The following HS6ST2 variants were observed in gnomAD, a reference collection of about 807,000 sequenced individuals.
HS6ST2 encodes the protein heparan-sulfate 6-O-sulfotransferase 2.
Under a neutral mutation model 33.0 loss-of-function variants are expected in HS6ST2, and 17 were observed. The ratio of observed to expected loss-of-function variants is 0.52; its 90% confidence interval spans 0.35 to 0.77. The LOEUF (loss-of-function observed/expected upper bound fraction) is 0.77. Among genes scored for constraint, HS6ST2 ranks in the 30% least tolerant of loss-of-function variants. The pLI, the probability that HS6ST2 is intolerant of heterozygous loss-of-function variation, is 0.01. For synonymous variants in HS6ST2, 248 were observed against 237.1 expected (o/e 1.05, Z -0.42); for missense variants, 519 against 551.7 (o/e 0.94, Z 0.59).
intron 4 of HS6ST2, among the ~76,000 whole-genome samples, chrX:132,660,557 C>T (rs942416060): frequency 9.0e-6 from 1 of 111,267 alleles, no homozygotes; most frequent in Admixed American, 9.6e-5. Context: ...TTCTCCTCCA[C>T]CTCCCCCTCC....
At chrX:132,890,504 A>T (rs1384942357) in intron 2 of HS6ST2, among the ~76,000 whole-genome samples, 2 of 108,797 alleles carry the variant, frequency 1.8e-5, no homozygotes, top group Non-Finnish European at 3.8e-5. Flanking sequence ...GTAGGCTTCT[A>T]TGGCTATTAT....
At chrX:132,772,041 ATTG>A (rs2064905816) in intron 2 of HS6ST2, among the ~76,000 whole-genome samples, 1 of 111,726 alleles carries the variant, frequency 9.0e-6, no homozygotes, top group Non-Finnish European at 1.9e-5. Flanking sequence ...TAAATGGTAA[ATTG>A]TTGTAATTAC....
intron 2 of HS6ST2, among the ~76,000 whole-genome samples, chrX:132,765,287 A>G (rs1277159549): frequency 8.9e-6 from 1 of 112,370 alleles, no homozygotes; most frequent in Non-Finnish European, 1.9e-5. Flanking sequence ...CTCAAGGACA[A>G]GAGAACATTA....
intron 2 of HS6ST2, among the ~76,000 whole-genome samples, chrX:132,816,271 C>T (rs893822886): frequency 8.9e-6 from 1 of 112,021 alleles, no homozygotes; most frequent in African/African-American, 3.2e-5. Context: ...TTGTTCTTCA[C>T]ACTGTTTGAA....
intron 2 of HS6ST2, among the ~76,000 whole-genome samples, chrX:132,885,493 T>G (rs974948014): frequency 9.0e-6 from 1 of 111,678 alleles, no homozygotes; most frequent in South Asian, 3.8e-4. Context: ...CTGCTGAGAT[T>G]GAAGAAGCTA....
At position 132,797,837 on chromosome X, in the gene HS6ST2, G is replaced by A. The variant is rs189127233; in HGVS notation, c.948-89343C>T. On this transcript the variant is annotated intron_variant, in intron 2 of 4. Transcript: ENST00000370833. ...GACCAGCCTGGCCAACATGGTGAAAGCCAGTCTCTACTAAAAAAATACAAA... is the reference window on the plus strand; with the variant it reads ...GACCAGCCTGGCCAACATGGTGAAAACCAGTCTCTACTAAAAAAATACAAA... Among the ~76,000 whole-genome samples the A allele has an allele frequency of 8.0e-4, 87 of 109,064 alleles. 2 individuals are homozygous for A. The East Asian group carries it at 0.024, about 30-fold the overall frequency. 94.7% of individuals were successfully genotyped at this position (109,064 alleles called of 115,157 possible).
At chrX:132,827,713 C>T (rs1338636690) in intron 2 of HS6ST2, among the ~76,000 whole-genome samples, 1 of 110,861 alleles carries the variant, frequency 9.0e-6, no homozygotes, top group Admixed American at 9.6e-5. Context: ...CCCTCTTTGC[C>T]TTTCATGTTG....
At chrX:132,906,117 T>C (rs997471958) in intron 2 of HS6ST2, among the ~76,000 whole-genome samples, 5 of 112,439 alleles carry the variant, frequency 4.4e-5, no homozygotes, top group Admixed American at 9.4e-5. Flanking sequence ...TTGGGGAGAA[T>C]TACCAGTTTT....
Position 132,818,245 on chromosome X carries a change from C to T in HS6ST2, c.948-109751G>A, listed in dbSNP as rs754280744. ...CGATGCAAGAGAGCGGTTAAAAGCA[C>T]GGACTGCAGGGTAGAAGAGCTCTAT... On this transcript the variant is annotated intron_variant, in intron 2 of 4. Coordinates refer to ENST00000370833, the MANE Select transcript of HS6ST2 (RefSeq NM_001394073.1). Among the ~76,000 whole-genome samples, 4 of 111,144 alleles carry T rather than the reference C, an allele frequency of 3.6e-5. No individual in the cohort carries two copies. In the Admixed American group the frequency reaches 3.9e-4, roughly 11 times the overall value.
intron 2 of HS6ST2, among the ~76,000 whole-genome samples, chrX:132,807,426 G>A (rs1279358332): frequency 4.5e-5 from 5 of 110,276 alleles, no homozygotes; most frequent in Non-Finnish European, 9.6e-5. Context: ...AATCACTAAA[G>A]AGAGCCTAAA....
chrX:132,723,123 C>A (rs1367477328), intron 2 of HS6ST2, among the ~76,000 whole-genome samples: 1 of 111,185 alleles, frequency 9.0e-6, no homozygotes, highest in African/African-American at 3.3e-5. Context: ...CAAGACTGAA[C>A]CATGAGGAAA....
At position 132,708,480 on chromosome X, in the gene HS6ST2, T is replaced by C. The variant is rs1334144784; in HGVS notation, c.962A>G (p.Gln321Arg). 8.5e-7 allele frequency: 1 copy of C among 1,183,147 alleles called. No individual in the cohort carries two copies. Residue 321 changes from glutamine (Q) to arginine (R), a missense_variant, in exon 3 of 5, where the codon CAG (glutamine) becomes CGG (arginine). Transcript: ENST00000370833. ...TACTTACCTTGCTGCATCTAGAATC[T>C]GAAAAATCCTCCACCTGTTAAAGGA... The part of the protein sequence containing the change: ...RLRPSRWRIF[Q>R]ILDAASKDKR...
chrX:132,637,942 T>TTTATATATAATATATATATAATATA (rs2063574035), intron 4 of HS6ST2, among the ~76,000 whole-genome samples: 5 of 72,625 alleles, frequency 6.9e-5, no homozygotes, highest in South Asian at 5.5e-4. Flanking sequence ...TATATAATAT[T>TTTATATATAATATATATATAATATA]TTATATATAA....
intron 2 of HS6ST2, among the ~76,000 whole-genome samples, chrX:132,828,128 C>A (rs2065542829): frequency 9.0e-6 from 1 of 111,158 alleles, no homozygotes; most frequent in Non-Finnish European, 1.9e-5. Context: ...GCAAACCAAG[C>A]ACTTCATACC....
intron 2 of HS6ST2, among the ~76,000 whole-genome samples, chrX:132,717,605 G>C (rs1024359239): frequency 8.9e-6 from 1 of 112,195 alleles, no homozygotes; most frequent in Non-Finnish European, 1.9e-5. Context: ...CCATGAAAAA[G>C]GCTTTAAGCC....
rs753481317 is a variant in HS6ST2 at position 132,728,486 on chromosome X, T to C, written c.948-19992A>G. Among the ~76,000 whole-genome samples the C allele has an allele frequency of 3.6e-5, 4 of 111,869 alleles. No homozygotes were observed. In the South Asian group the frequency reaches 1.1e-3, roughly 32 times the overall value. On this transcript the variant is annotated intron_variant, in intron 2 of 4. Transcript: ENST00000370833. ...TCCTCCACAGCTCTGAGAGTACTTCTGCGCATGCTCACAGCCTAACGCGGG... is the reference window on the plus strand; with the variant it reads ...TCCTCCACAGCTCTGAGAGTACTTCCGCGCATGCTCACAGCCTAACGCGGG...
rs148900846 is a variant in HS6ST2, at chrX:132,747,756, C to T, written c.948-39262G>A. The stretch of plus-strand genomic sequence containing the variant: ...AGGTTAGACAGGCACAGGGCAAAAA[C>T]AAAAGTCCAGCCAGAGAGGAGTCAG... On this transcript the variant is annotated intron_variant, in intron 2 of 4. Transcript: ENST00000370833. 3.9e-3 allele frequency among the ~76,000 whole-genome samples: 427 copies of T among 110,553 alleles called. 3 individuals carry two copies. The highest frequency in any genetic ancestry group is 0.013 in the African/African-American group (392 of 30,373).
intron 2 of HS6ST2, among the ~76,000 whole-genome samples, chrX:132,766,803 A>C (rs2064852082): frequency 8.9e-6 from 1 of 112,188 alleles, no homozygotes; most frequent in Non-Finnish European, 1.9e-5. Flanking sequence ...AGATATCTTT[A>C]TTAGGCACTT....
intron 2 of HS6ST2, among the ~76,000 whole-genome samples, chrX:132,797,985 C>T (rs1337481051): frequency 7.3e-5 from 7 of 95,417 alleles, no homozygotes; most frequent in African/African-American, 2.8e-4. Flanking sequence ...TGCACTCCAG[C>T]CTGGGCAACA....
Sources: allele counts gnomAD v4.1 joint callset (sites outside exome capture counted in the v4.1 genomes callset), GRCh38; gene constraint gnomAD v4.1.1; transcripts MANE v1.5; gene names NCBI Gene and HGNC (gene_info 2026-07-23, HGNC 2026-07-21).